The following COL23A1 variants were observed in gnomAD, a reference collection of about 807,000 sequenced individuals.
The protein encoded by COL23A1 is collagen type XXIII alpha 1 chain.
A neutral mutation model predicts 99.3 loss-of-function variants in COL23A1; 97 were observed. That is an observed-to-expected ratio of 0.98 (90% CI 0.83 to 1.16). COL23A1 has a LOEUF of 1.16. Ranked by LOEUF, COL23A1 falls within the 50% of genes most tolerant of loss-of-function variation. The pLI is 0.00. For synonymous variants in COL23A1, 320 were observed against 308.2 expected, an observed-to-expected ratio of 1.04 and a Z score of -0.40; for missense variants, 762 against 757.4, an observed-to-expected ratio of 1.01 and a Z score of -0.07.
At chr5:178,242,237 C>T in intron 26 of COL23A1, 104 bp downstream of exon 26, 1 of 1,478,538 alleles carries the variant, frequency 6.8e-7, no homozygotes, top group Non-Finnish European at 9.3e-7. Flanking sequence ...CCTCCGCCCA[C>T]CTGCCCGGCC....
chr5:178,445,339 C>T (rs765862488), intron 2 of COL23A1, among the ~76,000 whole-genome samples: 2 of 152,132 alleles, frequency 1.3e-5, no homozygotes, highest in Non-Finnish European at 2.9e-5. Context: ...ATACTGGTAA[C>T]ATCTGTTTTC....
intron 2 of COL23A1, among the ~76,000 whole-genome samples, chr5:178,471,680 G>A (rs1421936392): frequency 6.6e-6 from 1 of 152,050 alleles, no homozygotes; most frequent in Non-Finnish European, 1.5e-5. Context: ...AACCAACCAA[G>A]CCAAAGCTGT....
At chr5:178,509,965 C>G (rs1352309373) in intron 2 of COL23A1, among the ~76,000 whole-genome samples, 1 of 152,188 alleles carries the variant, frequency 6.6e-6, no homozygotes, top group East Asian at 1.9e-4. Flanking sequence ...GGGCTGAGAT[C>G]AACATTTCCG....
intron 2 of COL23A1, among the ~76,000 whole-genome samples, chr5:178,549,456 A>T (rs1761889798): frequency 6.6e-6 from 1 of 152,168 alleles, no homozygotes; most frequent in South Asian, 2.1e-4. Flanking sequence ...CCAACTCAAG[A>T]CATTTGTTGC....
chr5:178,574,809 A>G (rs1763270519), intron 1 of COL23A1, among the ~76,000 whole-genome samples: 1 of 152,142 alleles, frequency 6.6e-6, no homozygotes, highest in African/African-American at 2.4e-5. Flanking sequence ...CGAGTTGGAG[A>G]GAATGAGGAC....
At position 178,326,257 on chromosome 5, in the gene COL23A1, C is replaced by T. The variant is rs80255274; in HGVS notation, c.362-19338G>A. 4.0e-3 allele frequency among the ~76,000 whole-genome samples: 613 copies of T among 152,284 alleles called. 5 individuals carry two copies. The highest frequency in any genetic ancestry group is 0.014 in the African/African-American group (584 of 41,550). On this transcript the variant is annotated intron_variant, in intron 2 of 28. Coordinates refer to ENST00000390654, the MANE Select transcript of COL23A1 (RefSeq NM_173465.4). ...GCCAGCATATGTTTCTTGTCTCCTA[C>T]GCACTTTAGCACTGGCTCTGGGGAA... is the stretch of plus-strand genomic sequence containing the variant.
chr5:178,269,824 T>TCC (rs1756184184), intron 6 of COL23A1, among the ~76,000 whole-genome samples: 1 of 120,552 alleles, frequency 8.3e-6, no homozygotes, highest in East Asian at 3.5e-4. Flanking sequence ...TCCATCCATC[T>TCC]ATATATCTAC....
intron 2 of COL23A1, among the ~76,000 whole-genome samples, chr5:178,337,334 T>C (rs1561873939): frequency 6.6e-6 from 1 of 152,196 alleles, no homozygotes. Context: ...CCGTGGGAGT[T>C]GGAGCGTTTG....
intron 27 of COL23A1, among the ~76,000 whole-genome samples, chr5:178,241,261 T>C (rs777199269): frequency 1.5e-4 from 23 of 152,092 alleles, no homozygotes; most frequent in Non-Finnish European, 2.4e-4. Context: ...ACTGTGGTTG[T>C]TTCAGGCACC....
intron 2 of COL23A1, among the ~76,000 whole-genome samples, chr5:178,420,268 T>C (rs1379480493): frequency 1.3e-5 from 2 of 151,810 alleles, no homozygotes; most frequent in Admixed American, 6.6e-5. Flanking sequence ...GCCAAGCAGA[T>C]CAAACAAGAG....
intron 2 of COL23A1, among the ~76,000 whole-genome samples, chr5:178,466,131 C>A (rs544074686): frequency 1.3e-4 from 20 of 152,280 alleles, no homozygotes; most frequent in Middle Eastern, 3.4e-3. Flanking sequence ...GGCATTGCAA[C>A]GCAAACTCAC....
chr5:178,288,080 G>A (rs900219034), intron 5 of COL23A1, among the ~76,000 whole-genome samples: 1 of 152,182 alleles, frequency 6.6e-6, no homozygotes, highest in Non-Finnish European at 1.5e-5. Context: ...AGAAGCAGTG[G>A]CAGGTGGATT....
chr5:178,533,187 T>C (rs1760746121), intron 2 of COL23A1, among the ~76,000 whole-genome samples: 1 of 152,208 alleles, frequency 6.6e-6, no homozygotes, highest in South Asian at 2.1e-4. Flanking sequence ...ATTTTTTTTA[T>C]TGCGGTAAAG....
intron 2 of COL23A1, among the ~76,000 whole-genome samples, chr5:178,473,048 A>C (rs1756840910): frequency 7.5e-6 from 1 of 132,804 alleles, no homozygotes; most frequent in Non-Finnish European, 1.7e-5. Flanking sequence ...GCTTGAGCCC[A>C]GGAGGTCAAG....
At chr5:178,503,665 G>A (rs1210267127) in intron 2 of COL23A1, among the ~76,000 whole-genome samples, 1 of 152,134 alleles carries the variant, frequency 6.6e-6, no homozygotes, top group Admixed American at 6.6e-5. Flanking sequence ...GGGAGGGAGG[G>A]AGAGAGAGAT....
intron 2 of COL23A1, among the ~76,000 whole-genome samples, chr5:178,509,430 C>A (rs1759074300): frequency 1.3e-5 from 2 of 152,112 alleles, no homozygotes. Flanking sequence ...ACCATCTTGG[C>A]CGGGCTGGTT....
At chr5:178,504,401 A>G (rs1045749510) in intron 2 of COL23A1, among the ~76,000 whole-genome samples, 1 of 152,160 alleles carries the variant, frequency 6.6e-6, no homozygotes, top group Admixed American at 6.6e-5. Context: ...GAGGCTGCCC[A>G]TGGTGGGGCG....
At chr5:178,376,582 A>C (rs1461824655) in intron 2 of COL23A1, among the ~76,000 whole-genome samples, 1 of 152,224 alleles carries the variant, frequency 6.6e-6, no homozygotes. Context: ...CTTTAGATAC[A>C]CCACCTGTAA....
chr5:178,399,567 C>A (rs577982804), intron 2 of COL23A1, among the ~76,000 whole-genome samples: 1 of 152,336 alleles, frequency 6.6e-6, no homozygotes, highest in African/African-American at 2.4e-5. Flanking sequence ...CACGCCCCTG[C>A]ACGGGGGAAA....
Sources: allele counts gnomAD v4.1 joint callset (sites outside exome capture counted in the v4.1 genomes callset), GRCh38; gene constraint gnomAD v4.1.1; transcripts MANE v1.5; gene names NCBI Gene and HGNC (gene_info 2026-07-23, HGNC 2026-07-21).